NRP2: variants seen among roughly 807,000 people sequenced by gnomAD.
NRP2 encodes neuropilin 2.
Under a neutral mutation model 110.4 loss-of-function variants are expected in NRP2, and 52 were observed. The ratio of observed to expected loss-of-function variants is 0.47; its 90% CI spans 0.38 to 0.59. The LOEUF is 0.59. Ranked by LOEUF, NRP2 falls within the 20% of genes least tolerant of loss-of-function variation. NRP2 has a pLI of 0.00. For missense variants in NRP2, 1,049 were observed against 1,203.0 expected (o/e 0.87, Z 1.89); for synonymous variants, 508 against 468.9 (o/e 1.08, Z -1.08).
intron 15 of NRP2, chr2:205,767,232 C>T (rs2057939172): frequency 3.3e-6 from 1 of 305,156 alleles, no homozygotes; most frequent in Non-Finnish European, 6.3e-6. Context: ...TTTCCAGTTC[C>T]AGGGTACCAA....
Position 205,743,277 on chromosome 2 carries a change from C to G in NRP2, c.1366C>G (p.Gln456Glu), listed in dbSNP as rs1375404108. 6.2e-7 allele frequency: 1 copy of G among 1,614,064 alleles called. No individual in the cohort carries two copies. Among genetic ancestry groups the G allele is most frequent in the Admixed American group, 1.7e-5 (1 of 60,008 alleles). The change falls in exon 9 of 17, where the codon CAG (glutamine) becomes GAG (glutamate). Residue 456 changes from glutamine to glutamate, a missense_variant. Transcript: ENST00000357785. ...CTCCCAGATCTCCGCCTCTTCCACC[C>G]AGGAATACCTCTGGAGCCCCAGTGC... is the stretch of plus-strand genomic sequence containing the variant. Reference protein sequence around the residue: ...ADSQISASSTQEYLWSPSAAR... With the variant: ...ADSQISASSTEEYLWSPSAAR...
intron 7 of NRP2, among the ~76,000 whole-genome samples, chr2:205,734,214 T>C (rs1195291404): frequency 6.7e-6 from 1 of 149,354 alleles, no homozygotes; most frequent in Non-Finnish European, 1.5e-5. Context: ...AGTATACACG[T>C]GCACACACAC....
At chr2:205,790,781 C>A (rs2058292259) in intron 15 of NRP2, among the ~76,000 whole-genome samples, 1 of 152,046 alleles carries the variant, frequency 6.6e-6, no homozygotes, top group African/African-American at 2.4e-5. Context: ...ACAACCTGCT[C>A]TGTTGGGGCC....
At chr2:205,740,779 C>T in intron 8 of NRP2, 116 bp downstream of exon 8, 3 of 1,149,856 alleles carry the variant, frequency 2.6e-6, no homozygotes, top group Non-Finnish European at 3.8e-6. Context: ...AAGACTGGCT[C>T]AAGGACTCAA....
At chr2:205,768,589 G>C (rs546835582) in intron 15 of NRP2, 1 of 152,322 alleles carries the variant, frequency 6.6e-6, no homozygotes, top group South Asian at 2.1e-4. Context: ...CTTACCATGA[G>C]GCTTCACAGG....
intron 2 of NRP2, 61 bp downstream of exon 2, chr2:205,697,782 C>T (rs923255974): frequency 6.7e-7 from 1 of 1,503,370 alleles, no homozygotes; most frequent in Non-Finnish European, 9.3e-7. Context: ...CCTGCCCCCA[C>T]CCCTGCTCTT....
intron 7 of NRP2, among the ~76,000 whole-genome samples, chr2:205,731,562 G>C (rs540037291): frequency 1.3e-5 from 2 of 152,254 alleles, no homozygotes; most frequent in South Asian, 4.2e-4. Flanking sequence ...AGAGACTACT[G>C]CCCTTATTTG....
intron 2 of NRP2, among the ~76,000 whole-genome samples, chr2:205,699,198 A>G (rs2056501211): frequency 6.6e-6 from 1 of 152,242 alleles, no homozygotes; most frequent in Non-Finnish European, 1.5e-5. Context: ...AAGTTACATG[A>G]GTACCCTGGA....
intron 1 of NRP2, among the ~76,000 whole-genome samples, chr2:205,694,474 G>A (rs574016830): frequency 6.6e-6 from 1 of 152,246 alleles, no homozygotes; most frequent in Admixed American, 6.5e-5. Flanking sequence ...TGATGAATTT[G>A]CCCCAGGTGA....
At chr2:205,755,495 C>T (rs572951796) in intron 12 of NRP2, among the ~76,000 whole-genome samples, 2 of 152,212 alleles carry the variant, frequency 1.3e-5, no homozygotes, top group South Asian at 4.2e-4. Flanking sequence ...ACTTTATGAA[C>T]CGTTCTCTGT....
At position 205,759,208 on chromosome 2, in the gene NRP2, G is replaced by C. The variant is rs116237365; in HGVS notation, c.2045-4466G>C. ...GGAAGTAGACATTTGAAGGGGCAAG[G>C]GTTCCTAGGGAAGCAAAGACTACGA... is the stretch of plus-strand genomic sequence containing the variant. On this transcript the variant is annotated intron_variant, in intron 12 of 16. Transcript: ENST00000357785. 8.4e-3 allele frequency among the ~76,000 whole-genome samples: 1,282 copies of C among 152,274 alleles called. 14 individuals are homozygous for C. The highest frequency in any genetic ancestry group is 0.029 in the African/African-American group (1,195 of 41,550).
intron 10 of NRP2, among the ~76,000 whole-genome samples, chr2:205,749,081 C>T (rs2057593178): frequency 6.6e-6 from 1 of 152,178 alleles, no homozygotes; most frequent in African/African-American, 2.4e-5. Flanking sequence ...ATTTGGAAGA[C>T]CTGGCCTGGC....
chr2:205,744,311 GT>G (rs2057499025), intron 9 of NRP2, among the ~76,000 whole-genome samples: 1 of 152,210 alleles, frequency 6.6e-6, no homozygotes, highest in African/African-American at 2.4e-5. Context: ...AGGGGATGTG[GT>G]TTTTGGAGGC....
intron 7 of NRP2, among the ~76,000 whole-genome samples, chr2:205,728,271 G>A (rs763617651): frequency 1.2e-4 from 18 of 152,222 alleles, no homozygotes; most frequent in Non-Finnish European, 1.9e-4. Context: ...ATCTTGCGCA[G>A]CAGAGAGAGA....
intron 10 of NRP2, among the ~76,000 whole-genome samples, chr2:205,749,354 C>T (rs1183447367): frequency 6.6e-6 from 1 of 152,194 alleles, no homozygotes; most frequent in African/African-American, 2.4e-5. Flanking sequence ...ATCCATATTC[C>T]CGTCCATCCA....
At position 205,763,674 on chromosome 2, in the gene NRP2, A is replaced by G. The variant is rs2057861256; in HGVS notation, c.2045A>G (p.Asp682Gly). 6.2e-7 allele frequency: 1 copy of G among 1,614,170 alleles called. No individual in the cohort carries two copies. The highest frequency in any genetic ancestry group is 8.5e-7 in the Non-Finnish European group (1 of 1,180,042). The change falls in exon 13 of 17, where the codon GAT becomes GGT. Residue 682 changes from aspartate to glycine, a missense_variant and splice_region_variant. By Grantham distance (94) the Asp-to-Gly change is moderately conservative (BLOSUM62 -1). Transcript: ENST00000357785. This position sits in a 1 kb window ranked among gnomAD's most constrained non-coding sequence, Gnocchi z 4.0. ...CTCTGTTTGGGTTTGTTTCTGCCAG[A>G]TGACAGGAATTTCTTGCGGCTGCAG... ...SSSPNDRTFP[D>G]DRNFLRLQSD...
intron 15 of NRP2, chr2:205,776,628 T>C: frequency 6.3e-7 from 1 of 1,591,760 alleles, no homozygotes; most frequent in Non-Finnish European, 8.5e-7. Flanking sequence ...GTGTGAACTC[T>C]CAGACATCTC....
intron 2 of NRP2, among the ~76,000 whole-genome samples, chr2:205,712,060 T>C (rs914844387): frequency 2.0e-5 from 3 of 152,130 alleles, no homozygotes; most frequent in African/African-American, 7.2e-5. Flanking sequence ...GGCCCAAATG[T>C]AGGTTTGGGG....
At chr2:205,693,468 A>C (rs1200316975) in intron 1 of NRP2, among the ~76,000 whole-genome samples, 4 of 152,090 alleles carry the variant, frequency 2.6e-5, no homozygotes, top group Non-Finnish European at 5.9e-5. Context: ...AGCATCCAAG[A>C]AGAGCTCCCT....
Sources: gnomAD v4.1 joint callset for allele counts (sites outside exome capture counted in the v4.1 genomes callset) on GRCh38, gnomAD v4.1.1 for gene constraint, Gnocchi (gnomAD v3.1) non-coding constraint, MANE v1.5 for transcripts, NCBI Gene and HGNC (gene_info 2026-07-23, HGNC 2026-07-21) for gene names.